The following KIF3C variants were observed in gnomAD, a reference collection of about 807,000 sequenced individuals.
KIF3C encodes the protein kinesin-like protein KIF3C.
KIF3C carries 12 observed loss-of-function variants against 67.7 expected under a neutral mutation model. That is an observed-to-expected ratio of 0.18 (90% CI 0.11 to 0.29). The LOEUF is 0.29. Ranked by LOEUF, KIF3C falls within the 10% of genes least tolerant of loss-of-function variation. KIF3C has a pLI of 1.00. For missense variants in KIF3C, 789 were observed against 1,059.6 expected (o/e 0.74, Z 3.55); for synonymous variants, 393 against 426.2 (o/e 0.92, Z 0.96).
At chr2:25,945,244 T>C (rs192876581) in intron 5 of KIF3C, among the ~76,000 whole-genome samples, 2 of 152,302 alleles carry the variant, frequency 1.3e-5, no homozygotes, top group Admixed American at 6.5e-5. Context: ...TTTAAATTAA[T>C]GGGCATAATG....
intron 1 of KIF3C, among the ~76,000 whole-genome samples, chr2:25,974,961 G>T (rs1356723042): frequency 1.0e-4 from 15 of 148,464 alleles, no homozygotes; most frequent in Non-Finnish European, 2.1e-4. Context: ...GGGAGGCAGA[G>T]GTTGCGGTGA....
intron 1 of KIF3C, among the ~76,000 whole-genome samples, chr2:25,979,360 T>C (rs554842744): frequency 1.2e-3 from 182 of 152,210 alleles, no homozygotes; most frequent in Non-Finnish European, 2.0e-3. Flanking sequence ...CTCAGGGTTA[T>C]GGGGAATTGG....
rs1479314339 is a variant in KIF3C, at chr2:25,981,867, G to A, written c.51C>T (p.Cys17=). 1.3e-6 allele frequency: 2 copies of A among 1,594,442 alleles called. No homozygotes were observed. Among genetic ancestry groups the A allele is most frequent in the South Asian group, 2.2e-5 (2 of 88,960 alleles). ...CCTCCTCCTTCCTGCTGAGGGGGCG[G>A]CACCGGGCCACCACCTTGAGGGCCT... ...ASEALKVVAR[C]RPLSRKEEAA... is the part of the protein sequence containing the mutation. Residue 17 remains cysteine, a synonymous_variant, in exon 1 of 8, where the codon TGC becomes TGT. Coordinates refer to ENST00000264712, the MANE Select transcript of KIF3C (RefSeq NM_002254.8). This position sits in a 1 kb window ranked among gnomAD's most constrained non-coding sequence, Gnocchi z 8.2.
chr2:25,947,271 C>T (rs1040631333), intron 5 of KIF3C, among the ~76,000 whole-genome samples: 5 of 152,138 alleles, frequency 3.3e-5, no homozygotes, highest in Admixed American at 6.6e-5. Flanking sequence ...TTCTAGCAAG[C>T]TTCTTTCTTT....
chr2:25,963,196 ATTTTTT>A (rs1165957083), intron 1 of KIF3C, among the ~76,000 whole-genome samples: 49 of 43,254 alleles, frequency 1.1e-3, no homozygotes, highest in South Asian at 2.8e-3. Context: ...ATATATATAT[ATTTTTT>A]TTTTTTTTTT....
chr2:25,929,007 G>A lies in KIF3C; in HGVS notation c.2353C>T (p.Arg785Cys), dbSNP rs777192824. ...THASLASASL[R>C]PATVADHE ...TCATGGTCCGCCACTGTTGCAGGGC[G>A]CAGAGAAGCAGAGGCCAGGGAGGCA... Residue 785 changes from arginine (R) to cysteine (C), a missense_variant, in exon 8 of 8, where the codon CGC becomes TGC. Coordinates refer to ENST00000264712, the MANE Select transcript of KIF3C (RefSeq NM_002254.8). 34 of 1,613,602 alleles carry A rather than the reference G, an allele frequency of 2.1e-5. No individual in the cohort carries two copies. The East Asian group carries it at 4.9e-4, about 23-fold the overall frequency.
At chr2:25,977,425 G>T (rs73920218) in intron 1 of KIF3C, among the ~76,000 whole-genome samples, 6 of 152,140 alleles carry the variant, frequency 3.9e-5, no homozygotes, top group South Asian at 2.1e-4. Context: ...ACTCAGAAAG[G>T]GGGGACAGGA....
intron 5 of KIF3C, chr2:25,934,281 A>G: frequency 2.4e-6 from 1 of 424,768 alleles, no homozygotes; most frequent in Non-Finnish European, 4.8e-6. Context: ...GGAGTGATGA[A>G]AATGTTCTGG....
intron 4 of KIF3C, 114 bp from the exon 5 acceptor site, chr2:25,952,019 C>T (rs1389224312): frequency 1.5e-5 from 11 of 719,752 alleles, no homozygotes; most frequent in East Asian, 1.1e-4. Flanking sequence ...GGGCTGGGCA[C>T]GGTGGCTCAC....
In KIF3C at chr2:25,980,497, G is replaced by A; in HGVS notation, c.1421C>T (p.Ala474Val). ...CACCAGGCTGCGGTCATCCTGGATG[G>A]CTGCCTTCTCCTCCTCCAGCCGCTC... ...QKERLEEEKA[A>V]IQDDRSLVSE... is the part of the protein sequence containing the mutation. Residue 474 changes from alanine to valine, a missense_variant, in exon 1 of 8, where the codon GCC becomes GTC. Transcript: ENST00000264712. The surrounding 1 kb of genome is among the most constrained non-coding windows in gnomAD (Gnocchi z 7.6). The A allele has an allele frequency of 1.2e-6, 2 of 1,614,080 alleles. No individual in the cohort carries two copies. The highest frequency in any genetic ancestry group is 1.7e-5 in the Admixed American group (1 of 60,014).
At chr2:25,940,608 C>A (rs1250933828) in intron 5 of KIF3C, among the ~76,000 whole-genome samples, 1 of 150,276 alleles carries the variant, frequency 6.7e-6, no homozygotes, top group Non-Finnish European at 1.5e-5. Flanking sequence ...TTACTCAAGG[C>A]CACTAGTAAG....
rs1421928310 is a variant in KIF3C at position 25,980,810 on chromosome 2, G to A, written c.1108C>T (p.Arg370Trp). 23 of 1,614,200 alleles carry A rather than the reference G, an allele frequency of 1.4e-5. No individual in the cohort carries two copies. Among genetic ancestry groups the A allele is most frequent in the Non-Finnish European group, 1.9e-5 (23 of 1,180,042 alleles). ...GTGTCCTTGGGGTCCTCGTTCACCC[G>A]GGGCTTGTTCTTGATGTTCTTGGCT... ...NRAKNIKNKP[R>W]VNEDPKDTLL... The change falls in exon 1 of 8, where the codon CGG becomes TGG. Residue 370 changes from arginine to tryptophan, a missense_variant. By Grantham distance (101) the Arg-to-Trp change is moderately radical. Transcript: ENST00000264712. This position sits in a 1 kb window ranked among gnomAD's most constrained non-coding sequence, Gnocchi z 7.6.
chr2:25,961,120 C>A (rs1663933863), intron 1 of KIF3C, among the ~76,000 whole-genome samples: 1 of 152,144 alleles, frequency 6.6e-6, no homozygotes, highest in Admixed American at 6.5e-5. Context: ...TCTGAGAGTT[C>A]TTTCAGAATG....
intron 5 of KIF3C, among the ~76,000 whole-genome samples, chr2:25,948,603 AAAG>A (rs143043179): frequency 0.045 from 6,823 of 151,046 alleles, 267 homozygotes; most frequent in African/African-American, 0.096. Flanking sequence ...AAAGAGAAAG[AAAG>A]AAAGAGAAAG....
chr2:25,934,101 G>A, intron 5 of KIF3C: 1 of 469,716 alleles, frequency 2.1e-6, no homozygotes, highest in East Asian at 7.0e-5. Context: ...TTTGCTAAGT[G>A]GAAGAACTCA....
At chr2:25,960,944 A>G (rs949821456) in intron 1 of KIF3C, among the ~76,000 whole-genome samples, 1 of 152,232 alleles carries the variant, frequency 6.6e-6, no homozygotes, top group Admixed American at 6.5e-5. Context: ...AAAAAAAGAA[A>G]GAGAATTAAA....
intron 5 of KIF3C, among the ~76,000 whole-genome samples, chr2:25,946,099 C>A (rs1001674839): frequency 8.6e-5 from 13 of 151,628 alleles, no homozygotes; most frequent in Non-Finnish European, 1.5e-4. Flanking sequence ...GGTGACATAG[C>A]GAGATTCCGT....
intron 4 of KIF3C, 86 bp downstream of exon 4, chr2:25,954,181 G>C (rs199760855): frequency 4.1e-4 from 389 of 952,996 alleles, no homozygotes; most frequent in Non-Finnish European, 6.2e-4. Flanking sequence ...AGAGGAGACA[G>C]TCAGGATGAG....
At chr2:25,979,967 C>T (rs964535514) in intron 1 of KIF3C, among the ~76,000 whole-genome samples, 2 of 152,246 alleles carry the variant, frequency 1.3e-5, no homozygotes, top group Non-Finnish European at 2.9e-5. Context: ...ATTAAAACGA[C>T]GTGAGGTTTG....
Sources: gnomAD v4.1 joint callset for allele counts (sites outside exome capture counted in the v4.1 genomes callset) on GRCh38, gnomAD v4.1.1 for gene constraint, Gnocchi (gnomAD v3.1) non-coding constraint, MANE v1.5 for transcripts, NCBI Gene and HGNC (gene_info 2026-07-23, HGNC 2026-07-21) for gene names.